The following KCNJ6 variants were observed in gnomAD, a reference collection of about 807,000 sequenced individuals.
KCNJ6 encodes G protein-activated inward rectifier potassium channel 2.
Under a neutral mutation model 34.2 loss-of-function variants are expected in KCNJ6, and 9 were observed. The ratio of observed to expected loss-of-function variants is 0.26; its 90% CI spans 0.16 to 0.46. KCNJ6 has a LOEUF of 0.46. KCNJ6 is among the 20% of genes least tolerant of loss of function. The probability of loss-of-function intolerance (pLI) is 1.00; values close to 1 mark genes in which losing one functional copy is unlikely to be tolerated. For synonymous variants in KCNJ6, 196 were observed against 207.1 expected, an observed-to-expected ratio of 0.95 and a Z score of 0.46; for missense variants, 236 against 531.3, an observed-to-expected ratio of 0.44 and a Z score of 5.46.
At chr21:37,763,800 G>A (rs2055077794) in intron 2 of KCNJ6, among the ~76,000 whole-genome samples, 1 of 152,160 alleles carries the variant, frequency 6.6e-6, no homozygotes, top group Non-Finnish European at 1.5e-5. Context: ...AGTTTGCTCA[G>A]AATGTGGGGG....
intron 2 of KCNJ6, among the ~76,000 whole-genome samples, chr21:37,746,357 G>C (rs1011756606): frequency 3.3e-5 from 5 of 152,190 alleles, no homozygotes; most frequent in Non-Finnish European, 7.4e-5. Context: ...CAAATCATGA[G>C]GTTGCAAGAG....
In KCNJ6 at chr21:37,686,460, C is replaced by CTTTT. The variant is rs34884125; in HGVS notation, c.946+27747_946+27750dup. Among the ~76,000 whole-genome samples the CTTTT allele has an allele frequency of 1.4e-4, 5 of 35,854 alleles. 1 individual carries two copies. The highest frequency in any genetic ancestry group is 1.7e-4 in the Non-Finnish European group (3 of 17,574). 23.5% of individuals were successfully genotyped at this position (35,854 alleles called of 152,430 possible). On this transcript the variant is annotated intron_variant, in intron 3 of 3. Transcript: ENST00000609713. ...ACGCATTCACTCTCCCGGGTGAAGT[C>CTTTT]TTTTTTTTTTTTTTTTTTTTTTTTG...
In KCNJ6 at chr21:37,617,008, TTC is replaced by T. The variant is rs143944028; in HGVS notation, c.*8149_*8150del. ...TTCTCTTTCTTTCTTTCTCTTTCTTTTCTCTTTCTTTCTTTCTTTCTTTCTTT... is the reference window on the plus strand; with the variant it reads ...TTCTCTTTCTTTCTTTCTCTTTCTTTTCTTTCTTTCTTTCTTTCTTTCTTT... On this transcript the variant is annotated 3_prime_UTR_variant, in exon 4 of 4. Transcript: ENST00000609713. 0.34 allele frequency: 41,005 copies of T among 121,480 alleles called. 6,111 individuals carry two copies. The highest frequency in any genetic ancestry group is 0.41 in the South Asian group (1,483 of 3,656). The allele number at this position is 121,480 out of a possible 1,614,324, so 7.5% of individuals were successfully genotyped here. A position where few individuals can be genotyped will look rare whatever the true frequency, so the allele number is the denominator to read the frequency against.
At chr21:37,827,596 T>A (rs1304480536) in intron 2 of KCNJ6, among the ~76,000 whole-genome samples, 1 of 152,050 alleles carries the variant, frequency 6.6e-6, no homozygotes, top group Non-Finnish European at 1.5e-5. Flanking sequence ...ACAATATGAA[T>A]ATTATTATAA....
chr21:37,753,076 T>C (rs1162928922), intron 2 of KCNJ6, among the ~76,000 whole-genome samples: 2 of 151,938 alleles, frequency 1.3e-5, no homozygotes, highest in Admixed American at 1.3e-4. Flanking sequence ...GGGGACTGAG[T>C]GCTGAGGGTG....
intron 2 of KCNJ6, among the ~76,000 whole-genome samples, chr21:37,810,361 T>C (rs762578012): frequency 2.0e-5 from 3 of 152,210 alleles, no homozygotes; most frequent in African/African-American, 7.2e-5. Flanking sequence ...CAACCTTGCA[T>C]ACATCTCTTG....
chr21:37,887,976 G>T (rs1036016433), intron 1 of KCNJ6, among the ~76,000 whole-genome samples: 26 of 152,254 alleles, frequency 1.7e-4, no homozygotes, highest in African/African-American at 6.3e-4. Flanking sequence ...CAGTCAGCCA[G>T]GCTGGCCAGA....
intron 2 of KCNJ6, among the ~76,000 whole-genome samples, chr21:37,774,423 T>C (rs916251908): frequency 6.6e-6 from 1 of 152,164 alleles, no homozygotes; most frequent in Non-Finnish European, 1.5e-5. Flanking sequence ...TATGTATACG[T>C]GTGCCATGTT....
intron 2 of KCNJ6, among the ~76,000 whole-genome samples, chr21:37,790,352 T>C (rs2055211227): frequency 6.6e-6 from 1 of 152,218 alleles, no homozygotes; most frequent in Non-Finnish European, 1.5e-5. Context: ...GGCATCTGTC[T>C]GTCGTTTACC....
chr21:37,838,129 C>A (rs1298295791), intron 2 of KCNJ6, among the ~76,000 whole-genome samples: 1 of 152,146 alleles, frequency 6.6e-6, no homozygotes, highest in East Asian at 1.9e-4. Context: ...AATGGGTGCA[C>A]CCAGTCATTG....
chr21:37,698,698 ATT>A (rs112756247), intron 3 of KCNJ6, among the ~76,000 whole-genome samples: 10 of 140,504 alleles, frequency 7.1e-5, no homozygotes, highest in Admixed American at 7.1e-5. Context: ...TGCCCAGGTA[ATT>A]TTTTTTTTTT....
chr21:37,799,254 G>C (rs1370832086), intron 2 of KCNJ6, among the ~76,000 whole-genome samples: 1 of 152,154 alleles, frequency 6.6e-6, no homozygotes. Context: ...ACATGATCTT[G>C]TTCTCAATAA....
intron 1 of KCNJ6, among the ~76,000 whole-genome samples, chr21:37,899,564 C>T (rs1179491979): frequency 2.6e-5 from 4 of 152,152 alleles, no homozygotes; most frequent in African/African-American, 4.8e-5. Context: ...AAAGAACACA[C>T]CTTGGACCCT....
intron 2 of KCNJ6, among the ~76,000 whole-genome samples, chr21:37,787,768 C>A (rs1440877557): frequency 1.3e-5 from 2 of 152,128 alleles, no homozygotes; most frequent in African/African-American, 4.8e-5. Flanking sequence ...GTATACAAAT[C>A]TGAAATGGAG....
At chr21:37,700,731 GC>G (rs985216743) in intron 3 of KCNJ6, among the ~76,000 whole-genome samples, 4 of 152,122 alleles carry the variant, frequency 2.6e-5, no homozygotes, top group Admixed American at 2.6e-4. Flanking sequence ...CTTAGCCAGG[GC>G]CGCCTCATAT....
intron 2 of KCNJ6, among the ~76,000 whole-genome samples, chr21:37,782,165 A>C (rs1181180732): frequency 6.6e-6 from 1 of 152,108 alleles, no homozygotes; most frequent in Non-Finnish European, 1.5e-5. Context: ...CAGAAGTCAG[A>C]GTGATGGGGC....
At chr21:37,871,546 AC>A (rs2055652525) in intron 1 of KCNJ6, among the ~76,000 whole-genome samples, 1 of 152,198 alleles carries the variant, frequency 6.6e-6, no homozygotes, top group Admixed American at 6.5e-5. Flanking sequence ...GCACAACCAC[AC>A]CCTGGGCTCT....
At chr21:37,774,516 A>C in intron 2 of KCNJ6, among the ~76,000 whole-genome samples, 1 of 150,468 alleles carries the variant, frequency 6.6e-6, no homozygotes. Context: ...CTACCCCACA[A>C]CAGGCTCTGG....
intron 3 of KCNJ6, among the ~76,000 whole-genome samples, chr21:37,660,599 G>A (rs2054483758): frequency 6.6e-6 from 1 of 152,194 alleles, no homozygotes; most frequent in Non-Finnish European, 1.5e-5. Flanking sequence ...GACGATGGTA[G>A]CTCATGTCAC....
Sources: gnomAD v4.1 joint callset for allele counts (sites outside exome capture counted in the v4.1 genomes callset) on GRCh38, gnomAD v4.1.1 for gene constraint, MANE v1.5 for transcripts, NCBI Gene and HGNC (gene_info 2026-07-23, HGNC 2026-07-21) for gene names.